The following RAB28 variants were observed in gnomAD, a reference collection of about 807,000 sequenced individuals.
RAB28 encodes the protein ras-related protein Rab-28.
Under a neutral mutation model 31.7 loss-of-function variants are expected in RAB28, and 24 were observed. The observed-to-expected ratio is 0.76, with a 90% CI of 0.55 to 1.06. The LOEUF is 1.06. Among genes scored for constraint, RAB28 ranks in the 50% least tolerant of loss-of-function variants. The pLI is 0.00. For synonymous variants in RAB28, 100 were observed against 90.4 expected (o/e 1.11, Z -0.60); for missense variants, 254 against 258.5 (o/e 0.98, Z 0.12).
chr4:13,375,904 C>G (rs186744238), intron 6 of RAB28, among the ~76,000 whole-genome samples: 3 of 151,886 alleles, frequency 2.0e-5, no homozygotes, highest in Non-Finnish European at 4.4e-5. Flanking sequence ...GCACAGGGTG[C>G]GAATGGGGTG....
At position 13,413,848 on chromosome 4, in the gene RAB28, A is replaced by G. The variant is rs926541383; in HGVS notation, c.392-32254T>C. On this transcript the variant is annotated intron_variant, in intron 4 of 6. Transcript: ENST00000330852. ...AAAATGACCACAGGCCACATTTGGC[A>G]TAAGTCTATTCCAAAATATAGAAGA... 3.3e-5 allele frequency among the ~76,000 whole-genome samples: 5 copies of G among 152,366 alleles called. No individual in the cohort carries two copies. In the East Asian group the frequency reaches 5.8e-4, roughly 18 times the overall value.
chr4:13,381,665 T>C (rs1729135701), intron 4 of RAB28, 71 bp from the exon 5 acceptor site: 1 of 1,075,198 alleles, frequency 9.3e-7, no homozygotes, highest in Non-Finnish European at 1.3e-6. Context: ...CATGTTTAAA[T>C]TTGACTTGCT....
intron 6 of RAB28, chr4:13,369,869 A>C (rs1380596291): frequency 1.9e-6 from 3 of 1,605,464 alleles, no homozygotes; most frequent in Non-Finnish European, 2.6e-6. Flanking sequence ...ATCACTTAAT[A>C]CCTGCACTAC....
intron 6 of RAB28, chr4:13,371,702 T>C: frequency 1.3e-6 from 2 of 1,523,038 alleles, no homozygotes; most frequent in Non-Finnish European, 1.8e-6. Flanking sequence ...TTCCATGTCA[T>C]AAACTTCATG....
intron 4 of RAB28, among the ~76,000 whole-genome samples, chr4:13,413,802 G>C (rs970017981): frequency 3.9e-5 from 6 of 152,134 alleles, no homozygotes; most frequent in Non-Finnish European, 5.9e-5. Context: ...ATAAACTTGT[G>C]CTAAAATGTT....
At chr4:13,374,210 G>C (rs1033711266) in intron 6 of RAB28, among the ~76,000 whole-genome samples, 1 of 152,070 alleles carries the variant, frequency 6.6e-6, no homozygotes, top group African/African-American at 2.4e-5. Flanking sequence ...AATGCATTAA[G>C]AGTAAATGCC....
intron 4 of RAB28, among the ~76,000 whole-genome samples, chr4:13,410,971 A>G (rs1354855065): frequency 6.6e-6 from 1 of 152,154 alleles, no homozygotes; most frequent in Non-Finnish European, 1.5e-5. Flanking sequence ...ATATAAAGAC[A>G]CAGGTTTTAA....
chr4:13,461,602 G>A (rs1560141812), intron 3 of RAB28, among the ~76,000 whole-genome samples: 1 of 152,140 alleles, frequency 6.6e-6, no homozygotes, highest in African/African-American at 2.4e-5. Flanking sequence ...AAGAGTCTCA[G>A]CAATGCCAAA....
chr4:13,428,002 C>T (rs993634635), intron 4 of RAB28, among the ~76,000 whole-genome samples: 2 of 152,128 alleles, frequency 1.3e-5, no homozygotes, highest in Non-Finnish European at 2.9e-5. Context: ...AGGGGGTCCA[C>T]GTGAGAGTGT....
intron 5 of RAB28, among the ~76,000 whole-genome samples, chr4:13,379,999 G>C (rs1729063906): frequency 2.0e-5 from 3 of 152,024 alleles, no homozygotes; most frequent in Admixed American, 2.0e-4. Flanking sequence ...ATACTAAGTG[G>C]TTAAAAACAA....
chr4:13,441,441 T>A (rs1274656237), intron 4 of RAB28, among the ~76,000 whole-genome samples: 4 of 152,234 alleles, frequency 2.6e-5, no homozygotes, highest in Non-Finnish European at 5.9e-5. Flanking sequence ...CTACAGCAAT[T>A]AATCTCTACC....
At chr4:13,428,978 T>C (rs1450122586) in intron 4 of RAB28, among the ~76,000 whole-genome samples, 3 of 149,082 alleles carry the variant, frequency 2.0e-5, no homozygotes, top group African/African-American at 4.9e-5. Flanking sequence ...AGAGTCTTGC[T>C]CTGTTGCCCA....
chr4:13,368,693 AT>A, intron 6 of RAB28, 43 bp from the exon 7 acceptor site: 1 of 1,519,754 alleles, frequency 6.6e-7, no homozygotes, highest in Non-Finnish European at 9.0e-7. Context: ...ATATCAGAAC[AT>A]TTAGAAAGAG....
At chr4:13,378,032 T>G (rs1265208941) in intron 5 of RAB28, among the ~76,000 whole-genome samples, 2 of 152,086 alleles carry the variant, frequency 1.3e-5, no homozygotes, top group Non-Finnish European at 2.9e-5. Flanking sequence ...ATTAGACATC[T>G]AAGAGGAGAT....
intron 4 of RAB28, among the ~76,000 whole-genome samples, chr4:13,382,533 C>G (rs73819808): frequency 1.5e-3 from 232 of 151,676 alleles, no homozygotes; most frequent in African/African-American, 5.3e-3. Context: ...AATTGATTAT[C>G]AACTAAAAAA....
At chr4:13,424,720 T>C (rs1713377020) in intron 4 of RAB28, among the ~76,000 whole-genome samples, 1 of 152,230 alleles carries the variant, frequency 6.6e-6, no homozygotes, top group South Asian at 2.1e-4. Flanking sequence ...ACTTCTGTTA[T>C]GAACCAATAA....
At chr4:13,419,154 G>A (rs1712967881) in intron 4 of RAB28, among the ~76,000 whole-genome samples, 1 of 151,956 alleles carries the variant, frequency 6.6e-6, no homozygotes, top group Non-Finnish European at 1.5e-5. Context: ...AGACAAAGAA[G>A]GCCATTACAT....
chr4:13,473,434 G>C (rs1276072270), intron 3 of RAB28, among the ~76,000 whole-genome samples: 2 of 151,774 alleles, frequency 1.3e-5, no homozygotes, highest in Admixed American at 1.3e-4. Flanking sequence ...AGCTCAGTAA[G>C]CACAACCTAC....
intron 4 of RAB28, among the ~76,000 whole-genome samples, chr4:13,383,477 G>GA (rs565480149): frequency 2.1e-4 from 32 of 149,506 alleles, no homozygotes; most frequent in African/African-American, 3.4e-4. Context: ...TTGTTCAATT[G>GA]AAAAAAAAAG....
Sources: gnomAD v4.1 joint callset for allele counts (sites outside exome capture counted in the v4.1 genomes callset) on GRCh38, gnomAD v4.1.1 for gene constraint, MANE v1.5 for transcripts, NCBI Gene and HGNC (gene_info 2026-07-23, HGNC 2026-07-21) for gene names.